The following CDH12 variants were observed in gnomAD, a reference collection of about 807,000 sequenced individuals.
CDH12 encodes the protein cadherin-12.
In CDH12, 41 loss-of-function variants were observed where a neutral mutation model predicts 74.1. The observed-to-expected ratio is 0.55, with a 90% CI of 0.43 to 0.72. The LOEUF is 0.72. Among genes scored for constraint, CDH12 ranks in the 30% least tolerant of loss-of-function variants. The pLI, the probability that CDH12 is intolerant of heterozygous loss-of-function variation, is 0.00. For missense variants in CDH12, 945 were observed against 977.2 expected, an observed-to-expected ratio of 0.97 and a Z score of 0.44; for synonymous variants, 399 against 355.0, an observed-to-expected ratio of 1.12 and a Z score of -1.39.
intron 13 of CDH12, among the ~76,000 whole-genome samples, chr5:21,759,981 C>T (rs892157786): frequency 9.2e-5 from 14 of 152,106 alleles, no homozygotes; most frequent in Non-Finnish European, 1.5e-4. Context: ...ATAATAGCCT[C>T]CAGCTCCATC....
chr5:22,762,757 G>T (rs1483009186), intron 1 of CDH12, among the ~76,000 whole-genome samples: 1 of 152,012 alleles, frequency 6.6e-6, no homozygotes, highest in Non-Finnish European at 1.5e-5. Context: ...TTGATAAAGA[G>T]TTAATTTTTC....
rs138832123 is a variant in CDH12 at position 22,130,452 on chromosome 5, C to A, written c.-186-51590G>T. On this transcript the variant is annotated intron_variant, in intron 4 of 14. Transcript: ENST00000382254. ...GTCAACTATTATTTTAAAAAATTTGCACAGAAGAAGCAAAGTAGGATAAGA... is the reference window on the plus strand; with the variant it reads ...GTCAACTATTATTTTAAAAAATTTGAACAGAAGAAGCAAAGTAGGATAAGA... 6.7e-3 allele frequency among the ~76,000 whole-genome samples: 1,020 copies of A among 152,082 alleles called. 16 individuals are homozygous for A. Among genetic ancestry groups the A allele is most frequent in the African/African-American group, 0.024 (978 of 41,474 alleles).
At position 21,817,017 on chromosome 5, in the gene CDH12, T is replaced by C. The variant is rs765213108; in HGVS notation, c.930A>G (p.Pro310=). 6.2e-7 allele frequency: 1 copy of C among 1,612,782 alleles called. No homozygotes were observed. The highest frequency in any genetic ancestry group is 8.5e-7 in the Non-Finnish European group (1 of 1,179,134). The change falls in exon 9 of 15, where the codon CCA becomes CCG. Residue 310 remains proline (P), a synonymous_variant. Transcript: ENST00000382254. ...QNAEIEYNIV[P]GDGGNLFDIV... Reference sequence around the variant, plus strand: ...TGTCAAACAAATTTCCCCCATCTCCTGGAACAATATTGTATTCAATTTCTG... The same window carrying C: ...TGTCAAACAAATTTCCCCCATCTCCCGGAACAATATTGTATTCAATTTCTG...
At position 22,195,186 on chromosome 5, in the gene CDH12, G is replaced by A. The variant is rs185996114; in HGVS notation, c.-187+17312C>T. Among the ~76,000 whole-genome samples, 51 of 152,310 alleles carry A rather than the reference G, an allele frequency of 3.3e-4. 1 individual carries two copies. The East Asian group carries it at 5.4e-3, about 16-fold the overall frequency. ...AAGGTCGTAGCTAGAATCAGTGACA[G>A]GGCAATGTCAGTGAAATATTGGGAC... On this transcript the variant is annotated intron_variant, in intron 4 of 14. Transcript: ENST00000382254.
chr5:22,507,896 T>C (rs1451982120), intron 1 of CDH12, among the ~76,000 whole-genome samples: 2 of 152,212 alleles, frequency 1.3e-5, no homozygotes, highest in African/African-American at 4.8e-5. Flanking sequence ...TCTTCCAGCT[T>C]CTGGTGACTG....
intron 6 of CDH12, among the ~76,000 whole-genome samples, chr5:21,914,497 A>G (rs1325254890): frequency 1.3e-5 from 2 of 152,146 alleles, no homozygotes; most frequent in African/African-American, 2.4e-5. Flanking sequence ...GTATATATAC[A>G]TATATACATA....
chr5:22,504,536 T>C (rs1736302714), intron 2 of CDH12, among the ~76,000 whole-genome samples: 1 of 152,090 alleles, frequency 6.6e-6, no homozygotes, highest in Non-Finnish European at 1.5e-5. Context: ...TAATCTTAAC[T>C]GATCTCTGAT....
At chr5:21,796,716 G>T (rs952207294) in intron 10 of CDH12, among the ~76,000 whole-genome samples, 1 of 151,704 alleles carries the variant, frequency 6.6e-6, no homozygotes, top group Non-Finnish European at 1.5e-5. Context: ...ACTTTTATAC[G>T]TTTGGAACAA....
chr5:22,316,034 G>C (rs1738620330), intron 3 of CDH12, among the ~76,000 whole-genome samples: 1 of 152,084 alleles, frequency 6.6e-6, no homozygotes, highest in Non-Finnish European at 1.5e-5. Flanking sequence ...AAAAGTAACA[G>C]AGTCCTGACA....
intron 4 of CDH12, among the ~76,000 whole-genome samples, chr5:22,167,508 T>C (rs1748755777): frequency 2.6e-5 from 4 of 152,156 alleles, no homozygotes; most frequent in Non-Finnish European, 5.9e-5. Context: ...CATGACAAGT[T>C]CTTCAAATAT....
chr5:22,384,541 G>GAAA (rs758746627), intron 3 of CDH12, among the ~76,000 whole-genome samples: 1 of 124,820 alleles, frequency 8.0e-6, no homozygotes, highest in Non-Finnish European at 1.6e-5. Flanking sequence ...AAAAAAAAAA[G>GAAA]AAAAAGAAAA....
chr5:21,920,331 A>G (rs1037719670), intron 6 of CDH12, among the ~76,000 whole-genome samples: 3 of 152,200 alleles, frequency 2.0e-5, no homozygotes, highest in African/African-American at 4.8e-5. Flanking sequence ...TGGCTTGCCT[A>G]TAAAGTCAGA....
chr5:22,525,152 T>C (rs567163409), intron 1 of CDH12, among the ~76,000 whole-genome samples: 1 of 152,270 alleles, frequency 6.6e-6, no homozygotes, highest in South Asian at 2.1e-4. Flanking sequence ...TCATGTTTTA[T>C]GGCTGCATAG....
In CDH12 at chr5:21,823,261, T is replaced by C. The variant is rs548300774; in HGVS notation, c.815-6129A>G. 3.4e-4 allele frequency among the ~76,000 whole-genome samples: 52 copies of C among 152,186 alleles called. No homozygotes were observed. The South Asian group carries it at 8.5e-3, about 25-fold the overall frequency. Reference sequence around the variant, plus strand: ...AAACTGAGAATCCGAGCTGAGACAATACCATTGGGTTCTGTGAGGTCAGCT... The same window carrying C: ...AAACTGAGAATCCGAGCTGAGACAACACCATTGGGTTCTGTGAGGTCAGCT... On this transcript the variant is annotated intron_variant, in intron 8 of 14. Coordinates refer to ENST00000382254, the MANE Select transcript of CDH12 (RefSeq NM_004061.5).
chr5:22,665,270 A>G (rs546417905), intron 1 of CDH12, among the ~76,000 whole-genome samples: 1 of 152,288 alleles, frequency 6.6e-6, no homozygotes, highest in South Asian at 2.1e-4. Context: ...TGTTCTCAAT[A>G]TATTGATTGT....
chr5:22,366,465 A>C (rs1203793005), intron 3 of CDH12, among the ~76,000 whole-genome samples: 2 of 152,084 alleles, frequency 1.3e-5, no homozygotes, highest in African/African-American at 2.4e-5. Context: ...CTTTGTCCTT[A>C]TCTTGATTAC....
chr5:22,498,070 C>G (rs1289329596), intron 2 of CDH12, among the ~76,000 whole-genome samples: 1 of 152,110 alleles, frequency 6.6e-6, no homozygotes, highest in East Asian at 1.9e-4. Flanking sequence ...ATTTGGAAAG[C>G]TCTTCTTCAG....
intron 1 of CDH12, among the ~76,000 whole-genome samples, chr5:22,818,515 T>A (rs1749504971): frequency 6.6e-6 from 1 of 152,144 alleles, no homozygotes; most frequent in Non-Finnish European, 1.5e-5. Context: ...GTGCAAATAG[T>A]CTGTTTGTTT....
intron 2 of CDH12, among the ~76,000 whole-genome samples, chr5:22,442,999 C>T (rs1561407850): frequency 6.6e-6 from 1 of 152,062 alleles, no homozygotes. Context: ...TAGCACAGGT[C>T]TTGCCTAGGC....
Sources: allele counts gnomAD v4.1 joint callset (sites outside exome capture counted in the v4.1 genomes callset), GRCh38; gene constraint gnomAD v4.1.1; transcripts MANE v1.5; gene names NCBI Gene and HGNC (gene_info 2026-07-23, HGNC 2026-07-21).